The following ATP6V1C1 variants were observed in gnomAD, a reference collection of about 807,000 sequenced individuals.
ATP6V1C1 encodes ATPase H+ transporting V1 subunit C1, also known as V-type proton ATPase subunit C 1.
A neutral mutation model predicts 53.9 loss-of-function variants in ATP6V1C1; 45 were observed. That is an observed-to-expected ratio of 0.83 (90% confidence interval 0.66 to 1.07). ATP6V1C1 has a LOEUF of 1.07. ATP6V1C1 is among the 50% of genes least tolerant of loss of function. The pLI, the probability that ATP6V1C1 is intolerant of heterozygous loss-of-function variation, is 0.00. For synonymous variants in ATP6V1C1, 153 were observed against 155.2 expected (o/e 0.99, Z 0.11); for missense variants, 315 against 440.3 (o/e 0.72, Z 2.55).
chr8:103,029,235 A>G lies in ATP6V1C1; in HGVS notation c.-40+8010A>G, dbSNP rs755494634. Among the ~76,000 whole-genome samples the G allele has an allele frequency of 9.3e-5, 14 of 151,250 alleles. No individual in the cohort carries two copies. The East Asian group carries it at 9.7e-4, about 11-fold the overall frequency. Reference sequence around the variant, plus strand: ...CCAAATTGTGTTCCAGAAATTGTCTATCTTTTGTTCTTTCTTCCTTCCTTC... The same window carrying G: ...CCAAATTGTGTTCCAGAAATTGTCTGTCTTTTGTTCTTTCTTCCTTCCTTC... On this transcript the variant is annotated intron_variant, in intron 1 of 12. Transcript: ENST00000518738.
chr8:103,070,990 A>G lies in ATP6V1C1; in HGVS notation c.*2243A>G, dbSNP rs991450775. The G allele has an allele frequency of 2.0e-5, 3 of 152,302 alleles. No individual in the cohort carries two copies. The highest frequency in any genetic ancestry group is 1.9e-4 in the East Asian group (1 of 5,202). 9.4% of individuals were successfully genotyped at this position (152,302 alleles called of 1,614,324 possible). On this transcript the variant is annotated 3_prime_UTR_variant, in exon 13 of 13. Coordinates refer to ENST00000518738, the MANE Select transcript of ATP6V1C1 (RefSeq NM_001695.5). The stretch of plus-strand genomic sequence containing the variant: ...TGCATGGTGAGAGGTTGATGCAGGT[A>G]CTTAGCCCTTGGGGAACACAGGTAG...
intron 1 of ATP6V1C1, among the ~76,000 whole-genome samples, chr8:103,038,312 C>T (rs1586312907): frequency 1.3e-5 from 2 of 152,254 alleles, no homozygotes; most frequent in South Asian, 2.1e-4. Flanking sequence ...TGGTCCAAGA[C>T]GCAAGGCCTC....
At chr8:103,064,871 C>A in intron 11 of ATP6V1C1, 60 bp downstream of exon 11, 1 of 1,454,686 alleles carries the variant, frequency 6.9e-7, no homozygotes. Context: ...TTACATTGGA[C>A]CTCTTTATTA....
chr8:103,031,477 CATGGTG>C (rs1462804032), intron 1 of ATP6V1C1, among the ~76,000 whole-genome samples: 1 of 152,158 alleles, frequency 6.6e-6, no homozygotes, highest in African/African-American at 2.4e-5. Context: ...AGGAGTGTCA[CATGGTG>C]AGAGAAGGAG....
At chr8:103,052,157 C>T (rs1817211900) in intron 5 of ATP6V1C1, among the ~76,000 whole-genome samples, 1 of 152,102 alleles carries the variant, frequency 6.6e-6, no homozygotes, top group South Asian at 2.1e-4. Context: ...AAGTGACTTA[C>T]CCTCGTGCTA....
chr8:103,029,730 T>A (rs191509106), intron 1 of ATP6V1C1, among the ~76,000 whole-genome samples: 74 of 151,590 alleles, frequency 4.9e-4, no homozygotes, highest in African/African-American at 1.6e-3. Flanking sequence ...TTATTTTATT[T>A]AAAAAAAATT....
intron 1 of ATP6V1C1, among the ~76,000 whole-genome samples, chr8:103,031,675 G>T (rs1361373957): frequency 6.6e-6 from 1 of 152,180 alleles, no homozygotes; most frequent in Non-Finnish European, 1.5e-5. Flanking sequence ...CAACATTGGG[G>T]TTTATTCAAC....
At chr8:103,027,255 T>G (rs1486130190) in intron 1 of ATP6V1C1, among the ~76,000 whole-genome samples, 1 of 152,260 alleles carries the variant, frequency 6.6e-6, no homozygotes, top group Non-Finnish European at 1.5e-5. Context: ...GAAGTTGTTT[T>G]GCATGGAGAC....
intron 7 of ATP6V1C1, among the ~76,000 whole-genome samples, chr8:103,054,733 A>G (rs1353711337): frequency 1.3e-5 from 2 of 152,108 alleles, no homozygotes; most frequent in East Asian, 1.9e-4. Context: ...TCTGTGTAGC[A>G]CTATTAATGG....
intron 8 of ATP6V1C1, among the ~76,000 whole-genome samples, chr8:103,058,712 A>T (rs1358582710): frequency 1.3e-5 from 2 of 152,260 alleles, no homozygotes; most frequent in Non-Finnish European, 2.9e-5. Flanking sequence ...TATTCAATCT[A>T]ATATTTTTCA....
intron 1 of ATP6V1C1, among the ~76,000 whole-genome samples, chr8:103,035,866 C>T (rs994391820): frequency 9.2e-5 from 14 of 152,108 alleles, no homozygotes; most frequent in Non-Finnish European, 1.5e-5. Flanking sequence ...CTTTGAATCT[C>T]GAATTTTGTG....
intron 6 of ATP6V1C1, among the ~76,000 whole-genome samples, chr8:103,053,576 T>C (rs1002626715): frequency 6.6e-6 from 1 of 151,992 alleles, no homozygotes; most frequent in Non-Finnish European, 1.5e-5. Context: ...TAGACTTTAA[T>C]TGATATCTAA....
At chr8:103,059,993 A>ATTT in intron 8 of ATP6V1C1, among the ~76,000 whole-genome samples, 1 of 144,882 alleles carries the variant, frequency 6.9e-6, no homozygotes. Context: ...TTTTTTTGAG[A>ATTT]CACAGTCTCT....
chr8:103,038,102 T>C (rs1488838967), intron 1 of ATP6V1C1, among the ~76,000 whole-genome samples: 2 of 152,186 alleles, frequency 1.3e-5, no homozygotes, highest in African/African-American at 2.4e-5. Context: ...TTTCTCCTAA[T>C]TCTGTGAGTT....
intron 11 of ATP6V1C1, 119 bp from the exon 12 acceptor site, chr8:103,066,198 GGTAA>G: frequency 1.6e-6 from 1 of 607,320 alleles, no homozygotes; most frequent in Non-Finnish European, 2.3e-6. Flanking sequence ...AACTTGTAAA[GGTAA>G]AGGGAGATAT....
intron 8 of ATP6V1C1, among the ~76,000 whole-genome samples, chr8:103,057,642 G>A (rs1422167997): frequency 6.6e-6 from 1 of 152,028 alleles, no homozygotes; most frequent in Non-Finnish European, 1.5e-5. Flanking sequence ...TGTGACCTGG[G>A]GTAAGTCTTT....
intron 1 of ATP6V1C1, among the ~76,000 whole-genome samples, chr8:103,035,298 C>T (rs1462060047): frequency 2.7e-5 from 4 of 150,690 alleles, no homozygotes; most frequent in African/African-American, 7.5e-5. Context: ...CTAAATCAGA[C>T]GTTTTGATTG....
In ATP6V1C1 at chr8:103,040,724, TCTC is replaced by T. The variant is rs1375699807; in HGVS notation, c.-39-71_-39-69del. The T allele has an allele frequency of 1.6e-5, 22 of 1,338,202 alleles. No individual in the cohort carries two copies. The Admixed American group carries it at 2.4e-4, about 14-fold the overall frequency. The allele number at this position is 1,338,202 out of a possible 1,614,324, so 82.9% of individuals were successfully genotyped here. On this transcript the variant is annotated intron_variant, in intron 1 of 12. Transcript: ENST00000518738. ...TTGAAACAGGTTATATGTTATAACTTCTCCTATGATTCTGAAACACTTTAGAAA... is the reference window on the plus strand; with the variant it reads ...TTGAAACAGGTTATATGTTATAACTTCTATGATTCTGAAACACTTTAGAAA...
intron 8 of ATP6V1C1, among the ~76,000 whole-genome samples, chr8:103,056,529 G>A (rs900151278): frequency 6.6e-6 from 1 of 152,204 alleles, no homozygotes; most frequent in Non-Finnish European, 1.5e-5. Context: ...AGTATGGACA[G>A]TTATCATTCT....
Sources: allele counts gnomAD v4.1 joint callset (sites outside exome capture counted in the v4.1 genomes callset), GRCh38; gene constraint gnomAD v4.1.1; transcripts MANE v1.5; gene names NCBI Gene and HGNC (gene_info 2026-07-23, HGNC 2026-07-21).